STXBP4: variants seen among roughly 807,000 people sequenced by gnomAD.
The protein encoded by STXBP4 is syntaxin binding protein 4.
A neutral mutation model predicts 76.1 loss-of-function variants in STXBP4; 55 were observed. The observed-to-expected ratio is 0.72, with a 90% CI of 0.58 to 0.91. The LOEUF is 0.91. STXBP4 is among the 40% of genes least tolerant of loss of function. The pLI, the probability that STXBP4 is intolerant of heterozygous loss-of-function variation, is 0.00. For synonymous variants in STXBP4, 201 were observed against 220.2 expected (o/e 0.91, Z 0.77); for missense variants, 618 against 636.9 (o/e 0.97, Z 0.32).
chr17:55,067,601 A>T (rs1276030581), intron 12 of STXBP4, among the ~76,000 whole-genome samples: 1 of 152,132 alleles, frequency 6.6e-6, no homozygotes, highest in African/African-American at 2.4e-5. Context: ...AGAATGAAGA[A>T]TGAGGATATA....
At chr17:55,072,193 A>G (rs1362155274) in intron 12 of STXBP4, among the ~76,000 whole-genome samples, 1 of 152,190 alleles carries the variant, frequency 6.6e-6, no homozygotes, top group Non-Finnish European at 1.5e-5. Context: ...TGTGTTCTTG[A>G]ACAGGTCATA....
At chr17:55,102,005 C>A (rs1179115285) in intron 16 of STXBP4, among the ~76,000 whole-genome samples, 1 of 152,108 alleles carries the variant, frequency 6.6e-6, no homozygotes, top group East Asian at 1.9e-4. Flanking sequence ...ATGCCTTTAT[C>A]TTTTTCTTCA....
intron 16 of STXBP4, among the ~76,000 whole-genome samples, chr17:55,139,187 A>G (rs998578877): frequency 1.3e-5 from 2 of 152,160 alleles, no homozygotes; most frequent in African/African-American, 4.8e-5. Context: ...TTGTAAGGAA[A>G]TAATCAAGGC....
intron 12 of STXBP4, among the ~76,000 whole-genome samples, chr17:55,051,347 A>G (rs951769212): frequency 6.6e-6 from 1 of 152,196 alleles, no homozygotes; most frequent in African/African-American, 2.4e-5. Context: ...GATAGAACCA[A>G]TTCAAGCAAC....
intron 12 of STXBP4, among the ~76,000 whole-genome samples, chr17:55,060,175 T>C (rs1025721306): frequency 2.6e-5 from 4 of 152,086 alleles, no homozygotes; most frequent in Non-Finnish European, 5.9e-5. Flanking sequence ...CCTGAAAGTG[T>C]CCAATTTTAA....
Position 55,161,602 on chromosome 17 carries a change from C to G in STXBP4, c.*1691C>G, listed in dbSNP as rs1410782138. The G allele has an allele frequency of 6.6e-6, 1 of 152,088 alleles. No individual in the cohort carries two copies. The highest frequency in any genetic ancestry group is 1.5e-5 in the Non-Finnish European group (1 of 68,008). The allele number at this position is 152,088 out of a possible 1,614,324, so 9.4% of individuals were successfully genotyped here. On this transcript the variant is annotated 3_prime_UTR_variant, in exon 18 of 18. Coordinates refer to ENST00000376352, the MANE Select transcript of STXBP4 (RefSeq NM_178509.6). ...AAATCAAAGTACTCAGGCACACAGC[C>G]CACTGACAAGAGACACCTCATCCAT...
At chr17:54,975,506 A>C (rs966818733) in intron 1 of STXBP4, among the ~76,000 whole-genome samples, 1 of 152,182 alleles carries the variant, frequency 6.6e-6, no homozygotes, top group Non-Finnish European at 1.5e-5. Flanking sequence ...GCACAGTCTA[A>C]TTACGTGATT....
intron 12 of STXBP4, among the ~76,000 whole-genome samples, chr17:55,053,888 A>G (rs1410990334): frequency 1.3e-5 from 2 of 152,074 alleles, no homozygotes; most frequent in African/African-American, 2.4e-5. Flanking sequence ...CTTTTCTCCT[A>G]AAGGCTTGGA....
chr17:55,081,165 G>A lies in STXBP4; in HGVS notation c.1471G>A (p.Ala491Thr). Residue 491 changes from alanine to threonine, a missense_variant, in exon 16 of 18, where the codon GCC (alanine) becomes ACC (threonine). Physicochemically the swap from Ala to Thr is moderately conservative, Grantham distance 58. Transcript: ENST00000376352. The stretch of plus-strand genomic sequence containing the variant: ...TAAGGAACTTGTTAAATCTGTTCGT[G>A]CCTTACTTGATATGGATTGTAAGTT... ...ESKELVKSVR[A>T]LLDMDCLPYG... The A allele has an allele frequency of 6.7e-7, 1 of 1,501,938 alleles. No individual in the cohort carries two copies. Among genetic ancestry groups the A allele is most frequent in the Non-Finnish European group, 8.8e-7 (1 of 1,130,786 alleles). The allele number at this position is 1,501,938 out of a possible 1,614,324, so 93.0% of individuals were successfully genotyped here.
At chr17:55,117,369 T>A (rs559787667) in intron 16 of STXBP4, among the ~76,000 whole-genome samples, 24 of 151,578 alleles carry the variant, frequency 1.6e-4, no homozygotes, top group East Asian at 3.9e-4. Context: ...AGTTGTAAAA[T>A]TTTTTTTTCT....
chr17:55,097,313 A>G (rs1428363338), intron 16 of STXBP4, among the ~76,000 whole-genome samples: 1 of 152,236 alleles, frequency 6.6e-6, no homozygotes, highest in East Asian at 1.9e-4. Context: ...AATGGTAAAA[A>G]TGATGTATTT....
At position 55,081,049 on chromosome 17, in the gene STXBP4, G is replaced by A; in HGVS notation, c.1356-1G>A. ...TCAACTTTATTTTATTGCCTTCATA[G>A]TGAAAGAAGAGCTGTGTTAGCTTCT... On this transcript the variant is annotated splice_acceptor_variant, in intron 15 of 17. Coordinates refer to ENST00000376352, the MANE Select transcript of STXBP4 (RefSeq NM_178509.6). LOFTEE classifies it high-confidence loss of function. The A allele has an allele frequency of 6.7e-7, 1 of 1,484,462 alleles. No homozygotes were observed. The highest frequency in any genetic ancestry group is 2.6e-5 in the East Asian group (1 of 37,962). 92.0% of individuals were successfully genotyped at this position (1,484,462 alleles called of 1,614,324 possible).
intron 8 of STXBP4, among the ~76,000 whole-genome samples, chr17:55,007,985 G>C (rs2078039725): frequency 6.6e-6 from 1 of 152,018 alleles, no homozygotes; most frequent in Non-Finnish European, 1.5e-5. Flanking sequence ...TTTTTTTTAA[G>C]TAAAGGGAAA....
the STXBP4 span, among the ~76,000 whole-genome samples, chr17:55,210,172 A>G: frequency 6.6e-6 from 1 of 152,264 alleles, no homozygotes; most frequent in Admixed American, 6.5e-5. Context: ...TGTTCCCAAC[A>G]TGCAGGGAGA....
intron 3 of STXBP4, among the ~76,000 whole-genome samples, chr17:54,990,434 C>G (rs1306706053): frequency 6.6e-6 from 1 of 152,144 alleles, no homozygotes; most frequent in African/African-American, 2.4e-5. Flanking sequence ...CTTGCGTGCT[C>G]CTTTTGAGAA....
chr17:55,159,726 G>A, intron 17 of STXBP4, 71 bp from the exon 18 acceptor site: 1 of 989,124 alleles, frequency 1.0e-6, no homozygotes, highest in Non-Finnish European at 1.6e-6. Context: ...AATGTCACCA[G>A]GATCAGTACT....
At chr17:55,144,376 A>T (rs2080127937) in intron 17 of STXBP4, among the ~76,000 whole-genome samples, 1 of 152,174 alleles carries the variant, frequency 6.6e-6, no homozygotes, top group South Asian at 2.1e-4. Flanking sequence ...GTTCTTGATG[A>T]AAGTCTTACT....
intron 12 of STXBP4, among the ~76,000 whole-genome samples, chr17:55,049,841 G>A (rs1411147010): frequency 6.6e-6 from 1 of 152,004 alleles, no homozygotes; most frequent in Non-Finnish European, 1.5e-5. Flanking sequence ...GCCATTTTCT[G>A]TAGAAGAGAT....
chr17:54,998,657 A>G (rs2077854131), intron 4 of STXBP4, among the ~76,000 whole-genome samples: 1 of 152,148 alleles, frequency 6.6e-6, no homozygotes, highest in Non-Finnish European at 1.5e-5. Context: ...GTATAGTAAA[A>G]AAGATTATGC....
Sources: allele counts gnomAD v4.1 joint callset (sites outside exome capture counted in the v4.1 genomes callset), GRCh38; gene constraint gnomAD v4.1.1; transcripts MANE v1.5; gene names NCBI Gene and HGNC (gene_info 2026-07-23, HGNC 2026-07-21).